The following FRMD4A variants were observed in gnomAD, a reference collection of about 807,000 sequenced individuals.
FRMD4A encodes the protein FERM domain containing 4A, also known as FERM domain-containing protein 4A.
Under a neutral mutation model 129.1 loss-of-function variants are expected in FRMD4A, and 29 were observed. The observed-to-expected ratio is 0.22, with a 90% CI of 0.17 to 0.31. The LOEUF (loss-of-function observed/expected upper bound fraction) is 0.31, where lower values mean the gene tolerates loss of function less well. FRMD4A is among the 10% of genes least tolerant of loss of function. FRMD4A has a pLI of 1.00. For synonymous variants in FRMD4A, 634 were observed against 571.6 expected, an observed-to-expected ratio of 1.11 and a Z score of -1.56; for missense variants, 1,272 against 1,375.8, an observed-to-expected ratio of 0.92 and a Z score of 1.19.
chr10:14,129,386 A>G lies in FRMD4A; in HGVS notation c.45+200672T>C, dbSNP rs1347329727. On this transcript the variant is annotated intron_variant, in intron 2 of 24. Coordinates refer to ENST00000357447, the MANE Select transcript of FRMD4A (RefSeq NM_018027.5). ...AATTATGATTCATATATATATATAT[A>G]TATATATATATATATATATATAAAA... Among the ~76,000 whole-genome samples, 10 of 128,216 alleles carry G rather than the reference A, an allele frequency of 7.8e-5. 1 individual carries two copies. The highest frequency in any genetic ancestry group is 1.4e-4 in the Non-Finnish European group (9 of 62,454). The allele number at this position is 128,216 out of a possible 152,430, so 84.1% of individuals were successfully genotyped here. A position where few individuals can be genotyped will look rare whatever the true frequency, so the allele number is the denominator to read the frequency against.
intron 2 of FRMD4A, among the ~76,000 whole-genome samples, chr10:14,248,171 T>C (rs2132016106): frequency 7.2e-6 from 1 of 139,008 alleles, no homozygotes; most frequent in South Asian, 2.6e-4. Context: ...ATCACATTTT[T>C]ATTCTCTCAC....
At chr10:13,973,638 G>A (rs945263064) in intron 2 of FRMD4A, among the ~76,000 whole-genome samples, 6 of 151,990 alleles carry the variant, frequency 3.9e-5, no homozygotes, top group Non-Finnish European at 8.8e-5. Context: ...ACAGAATCTT[G>A]CCTTTCTACA....
intron 2 of FRMD4A, among the ~76,000 whole-genome samples, chr10:13,885,842 C>T (rs922090687): frequency 3.9e-5 from 6 of 152,144 alleles, no homozygotes; most frequent in African/African-American, 9.7e-5. Flanking sequence ...TTGAGAAGGC[C>T]GAACACTGCT....
At chr10:13,964,347 T>C (rs1048612872) in intron 2 of FRMD4A, among the ~76,000 whole-genome samples, 5 of 152,156 alleles carry the variant, frequency 3.3e-5, no homozygotes, top group African/African-American at 1.2e-4. Context: ...GCCATACATA[T>C]GTGTTTTACA....
chr10:13,822,910 A>G lies in FRMD4A; in HGVS notation c.112-12002T>C, dbSNP rs147930456. Among the ~76,000 whole-genome samples the G allele has an allele frequency of 3.8e-3, 576 of 151,464 alleles. 6 individuals are homozygous for G. Among genetic ancestry groups the G allele is most frequent in the African/African-American group, 0.011 (461 of 41,252 alleles). Reference sequence around the variant, plus strand: ...CTCCTTCTCTCTCTCCTTCCAAGTGACTCTGCCATTTAACCCAGGGGTGAG... The same window carrying G: ...CTCCTTCTCTCTCTCCTTCCAAGTGGCTCTGCCATTTAACCCAGGGGTGAG... On this transcript the variant is annotated intron_variant, in intron 3 of 24. Transcript: ENST00000357447.
At chr10:14,259,543 A>G (rs1364402589) in intron 2 of FRMD4A, among the ~76,000 whole-genome samples, 1 of 152,218 alleles carries the variant, frequency 6.6e-6, no homozygotes, top group Non-Finnish European at 1.5e-5. Context: ...ATCTGCCAAT[A>G]TCATTAAAAT....
At chr10:13,943,518 C>G (rs1331214820) in intron 2 of FRMD4A, among the ~76,000 whole-genome samples, 1 of 150,976 alleles carries the variant, frequency 6.6e-6, no homozygotes, top group Admixed American at 6.6e-5. Flanking sequence ...CGTGGTGGCA[C>G]GTGCCTGTAG....
chr10:13,830,340 A>T (rs2093770392), intron 3 of FRMD4A, among the ~76,000 whole-genome samples: 1 of 152,116 alleles, frequency 6.6e-6, no homozygotes, highest in South Asian at 2.1e-4. Context: ...CCTCTGACAG[A>T]CTCCAGAAGG....
At chr10:13,727,835 T>C (rs1588449624) in intron 12 of FRMD4A, 1 of 152,468 alleles carries the variant, frequency 6.6e-6, no homozygotes, top group Non-Finnish European at 1.5e-5. Flanking sequence ...TGATCTTGTC[T>C]GATTTCAGAA....
chr10:13,685,782 G>A (rs1406256347), intron 15 of FRMD4A: 4 of 190,014 alleles, frequency 2.1e-5, no homozygotes, highest in African/African-American at 2.4e-5. Context: ...CACTCAGGGC[G>A]ACAGAGCGAG....
chr10:14,209,595 C>T (rs1013697147), intron 2 of FRMD4A, among the ~76,000 whole-genome samples: 1 of 151,960 alleles, frequency 6.6e-6, no homozygotes. Context: ...GTGGTGGGCA[C>T]CTATAGTCCC....
intron 9 of FRMD4A, among the ~76,000 whole-genome samples, chr10:13,747,365 G>A (rs546614795): frequency 6.2e-4 from 93 of 151,186 alleles, no homozygotes; most frequent in Non-Finnish European, 9.9e-4. Context: ...GGTGAAACCC[G>A]GTCTCTACTA....
chr10:14,090,623 GT>G (rs1836606238), intron 2 of FRMD4A, among the ~76,000 whole-genome samples: 1 of 152,172 alleles, frequency 6.6e-6, no homozygotes, highest in Non-Finnish European at 1.5e-5. Context: ...GGGGTTCTCA[GT>G]TAACGTTGGA....
chr10:13,896,386 G>A (rs992261561), intron 2 of FRMD4A, among the ~76,000 whole-genome samples: 1 of 152,150 alleles, frequency 6.6e-6, no homozygotes, highest in African/African-American at 2.4e-5. Context: ...GGATGAAGCT[G>A]GAAGCCATCA....
chr10:13,989,668 C>T (rs2095596503), intron 2 of FRMD4A, among the ~76,000 whole-genome samples: 2 of 152,108 alleles, frequency 1.3e-5, no homozygotes, highest in Middle Eastern at 3.2e-3. Context: ...AGGTACAGCT[C>T]AGTTGTTCCA....
chr10:14,021,252 T>TG (rs1367581473), intron 2 of FRMD4A, among the ~76,000 whole-genome samples: 1 of 151,968 alleles, frequency 6.6e-6, no homozygotes, highest in African/African-American at 2.4e-5. Context: ...ATATAAAAGC[T>TG]GGGGGGTCCA....
intron 7 of FRMD4A, 142 bp downstream of exon 7, chr10:13,762,482 T>G (rs1432675449): frequency 1.7e-6 from 1 of 594,260 alleles, no homozygotes; most frequent in East Asian, 2.9e-5. Flanking sequence ...GTGTCTCTAA[T>G]AGCTCTATGC....
At chr10:14,139,752 A>G (rs1002812814) in intron 2 of FRMD4A, among the ~76,000 whole-genome samples, 1 of 152,162 alleles carries the variant, frequency 6.6e-6, no homozygotes, top group Non-Finnish European at 1.5e-5. Context: ...ACCTGGCCAA[A>G]TATGTTTCCT....
intron 2 of FRMD4A, among the ~76,000 whole-genome samples, chr10:14,065,666 T>C (rs1392680998): frequency 2.6e-5 from 4 of 152,108 alleles, no homozygotes; most frequent in East Asian, 3.9e-4. Flanking sequence ...AAACAGAGTT[T>C]AGAGAAATGT....
Sources: allele counts gnomAD v4.1 joint callset (sites outside exome capture counted in the v4.1 genomes callset), GRCh38; gene constraint gnomAD v4.1.1; transcripts MANE v1.5; gene names NCBI Gene and HGNC (gene_info 2026-07-23, HGNC 2026-07-21).